Variants in PAH observed in about 807,000 individuals in gnomAD.
The protein encoded by PAH is phenylalanine hydroxylase.
PAH carries 64 observed loss-of-function variants against 62.0 expected under a neutral mutation model. That is an observed-to-expected ratio of 1.03 (90% CI 0.84 to 1.27). PAH has a LOEUF of 1.27. Ranked by LOEUF, PAH falls within the 50% of genes most tolerant of loss-of-function variation. PAH has a pLI of 0.00. For missense variants in PAH, 579 were observed against 542.8 expected (o/e 1.07, Z -0.66); for synonymous variants, 195 against 196.2 (o/e 0.99, Z 0.05).
intron 3 of PAH, chr12:102,886,167 A>G (rs1435778456): frequency 6.6e-6 from 1 of 152,246 alleles, no homozygotes; most frequent in African/African-American, 2.4e-5. Flanking sequence ...ATGCCCAGCT[A>G]TTACCCTCTG....
chr12:102,858,759 C>T (rs575381888), intron 5 of PAH, among the ~76,000 whole-genome samples: 2 of 152,102 alleles, frequency 1.3e-5, no homozygotes, highest in African/African-American at 4.8e-5. Flanking sequence ...GAGATAAAGA[C>T]GTTCTTTGAA....
chr12:102,869,308 A>G (rs1197791799), intron 4 of PAH, among the ~76,000 whole-genome samples: 1 of 152,212 alleles, frequency 6.6e-6, no homozygotes, highest in Non-Finnish European at 1.5e-5. Flanking sequence ...AATTATGTCA[A>G]TTATGTCATA....
chr12:102,860,471 T>C (rs577066406), intron 5 of PAH, among the ~76,000 whole-genome samples: 2 of 148,148 alleles, frequency 1.3e-5, no homozygotes, highest in African/African-American at 5.1e-5. Flanking sequence ...CTTCACAGAA[T>C]TGGAAAAAAC....
At chr12:102,864,344 A>G (rs530440730) in intron 5 of PAH, among the ~76,000 whole-genome samples, 2 of 152,238 alleles carry the variant, frequency 1.3e-5, no homozygotes, top group South Asian at 4.1e-4. Flanking sequence ...CTGCAGGTTA[A>G]TCTGATTCGC....
At chr12:102,913,819 A>C (rs1319599307) in intron 1 of PAH, 2 of 702,138 alleles carry the variant, frequency 2.8e-6, no homozygotes, top group Non-Finnish European at 5.2e-6. Flanking sequence ...ATGTGACAGA[A>C]AACCAAGGTT....
intron 4 of PAH, 134 bp downstream of exon 4, chr12:102,877,328 T>C: frequency 1.3e-6 from 1 of 777,312 alleles, no homozygotes; most frequent in Non-Finnish European, 2.3e-6. Context: ...CCAGCCCTCG[T>C]GTAAATAGGA....
intron 1 of PAH, among the ~76,000 whole-genome samples, chr12:102,927,602 C>A (rs1198590666): frequency 6.6e-6 from 1 of 151,934 alleles, no homozygotes; most frequent in African/African-American, 2.4e-5. Flanking sequence ...GAAATGAAAT[C>A]TTCAGCTCAG....
intron 8 of PAH, among the ~76,000 whole-genome samples, chr12:102,848,908 G>A (rs563588385): frequency 4.6e-5 from 7 of 151,922 alleles, no homozygotes; most frequent in African/African-American, 1.7e-4. Context: ...AACACAAGGA[G>A]ACTGGAGAGG....
chr12:102,908,431 C>T (rs1878065784), intron 2 of PAH, among the ~76,000 whole-genome samples: 1 of 152,192 alleles, frequency 6.6e-6, no homozygotes, highest in African/African-American at 2.4e-5. Flanking sequence ...TAAAAAGTTA[C>T]ATAGGTGCAT....
intron 2 of PAH, among the ~76,000 whole-genome samples, chr12:102,899,973 G>A (rs145796684): frequency 1.7e-4 from 26 of 150,558 alleles, no homozygotes; most frequent in African/African-American, 6.3e-4. Context: ...TCTAGATGAA[G>A]GGCTTAGGGA....
chr12:102,896,860 C>A (rs1308154806), intron 2 of PAH, among the ~76,000 whole-genome samples: 2 of 152,166 alleles, frequency 1.3e-5, no homozygotes, highest in Non-Finnish European at 2.9e-5. Flanking sequence ...AGGCTAGGTA[C>A]TTGGACAATG....
At chr12:102,897,493 A>G (rs1877561980) in intron 2 of PAH, among the ~76,000 whole-genome samples, 1 of 130,454 alleles carries the variant, frequency 7.7e-6, no homozygotes, top group South Asian at 2.2e-4. Flanking sequence ...ATATATATAT[A>G]ATTCAAACTG....
intron 3 of PAH, among the ~76,000 whole-genome samples, chr12:102,892,781 G>C (rs1222375277): frequency 6.6e-6 from 1 of 152,210 alleles, no homozygotes; most frequent in Non-Finnish European, 1.5e-5. Context: ...GCTGGAAGGA[G>C]TCTGTAAAGA....
Position 102,858,355 on chromosome 12 carries a change from A to T in PAH, c.510-3023T>A, listed in dbSNP as rs183156982. ...TCGTTAGAGACCTACAAAGAGACTT[A>T]GACTCCCACACAATAGTAATGAGAG... On this transcript the variant is annotated intron_variant, in intron 5 of 12. Transcript: ENST00000553106. 2.7e-3 allele frequency among the ~76,000 whole-genome samples: 407 copies of T among 152,368 alleles called. 3 individuals are homozygous for T. The South Asian group carries it at 0.041, about 15-fold the overall frequency.
chr12:102,867,890 CATATATAGATGTATATATACATG>C (rs1876056110), intron 4 of PAH, among the ~76,000 whole-genome samples: 1 of 138,644 alleles, frequency 7.2e-6, no homozygotes, highest in Non-Finnish European at 1.6e-5. Context: ...CATGTATATA[CATATATAGATGTATATATACATG>C]TATATACATA....
intron 5 of PAH, among the ~76,000 whole-genome samples, chr12:102,865,170 T>G (rs530008873): frequency 6.6e-6 from 1 of 152,144 alleles, no homozygotes; most frequent in Non-Finnish European, 1.5e-5. Flanking sequence ...CACATTTCTA[T>G]GAGAAGGAGG....
chr12:102,917,257 C>T (rs895222662), upstream of PAH: 2 of 816,744 alleles, frequency 2.4e-6, no homozygotes, highest in African/African-American at 3.4e-5. Context: ...CAAAGGGTGT[C>T]TCTTGCGTGG....
chr12:102,941,011 T>C (rs1181168797), intron 1 of PAH, among the ~76,000 whole-genome samples: 2 of 152,138 alleles, frequency 1.3e-5, no homozygotes, highest in Non-Finnish European at 2.9e-5. Flanking sequence ...AGATTGGGGA[T>C]CTATATTCAG....
intron 2 of PAH, among the ~76,000 whole-genome samples, chr12:102,899,111 CCTT>C (rs1285338043): frequency 6.6e-6 from 1 of 152,192 alleles, no homozygotes; most frequent in Non-Finnish European, 1.5e-5. Context: ...GCAATGTCAT[CCTT>C]CTTGGCTCAG....
Sources: gnomAD v4.1 joint callset for allele counts (sites outside exome capture counted in the v4.1 genomes callset) on GRCh38, gnomAD v4.1.1 for gene constraint, MANE v1.5 for transcripts, NCBI Gene and HGNC (gene_info 2026-07-23, HGNC 2026-07-21) for gene names.